LYST: variants seen among roughly 807,000 people sequenced by gnomAD.
LYST encodes the protein lysosomal-trafficking regulator.
In LYST, 192 loss-of-function variants were observed where a neutral mutation model predicts 413.6. That is an observed-to-expected ratio of 0.46 (90% CI 0.41 to 0.52). The LOEUF (loss-of-function observed/expected upper bound fraction) is 0.52, where lower values mean the gene tolerates loss of function less well. Among genes scored for constraint, LYST ranks in the 20% least tolerant of loss-of-function variants. The pLI is 0.00. For synonymous variants in LYST, 1,525 were observed against 1,567.3 expected, an observed-to-expected ratio of 0.97 and a Z score of 0.64; for missense variants, 3,815 against 4,499.9, an observed-to-expected ratio of 0.85 and a Z score of 4.35.
chr1:235,756,055 CTA>C (rs1266652626), intron 24 of LYST, among the ~76,000 whole-genome samples: 16 of 134,696 alleles, frequency 1.2e-4, no homozygotes, highest in African/African-American at 4.4e-4. Flanking sequence ...ATATCTATAT[CTA>C]TATCTGTATC....
In LYST at chr1:235,833,829, C is replaced by T. The variant is rs139738097; in HGVS notation, c.-97-162G>A. The stretch of plus-strand genomic sequence containing the variant: ...AAAAAAATGCCTACTTCAAGAATTC[C>T]TCTTGAGAGGGAATCTTGGAACATA... On this transcript the variant is annotated intron_variant, in intron 1 of 52. Transcript: ENST00000389793. Among the ~76,000 whole-genome samples the T allele has an allele frequency of 3.7e-3, 564 of 152,234 alleles. 4 individuals are homozygous for T. Among genetic ancestry groups the T allele is most frequent in the African/African-American group, 0.013 (540 of 41,546 alleles).
chr1:235,810,490 T>C lies in LYST; in HGVS notation c.328A>G (p.Lys110Glu). Residue 110 changes from lysine to glutamate, a missense_variant, in exon 5 of 53, where the codon AAG becomes GAG. By Grantham distance (56) the Lys-to-Glu change is moderately conservative. Around this residue, in one of 4 missense-constraint regions of LYST, gnomAD observed 1,648 missense variants for 1,810.3 expected, o/e 0.91. Coordinates refer to ENST00000389793, the MANE Select transcript of LYST (RefSeq NM_000081.4). ...GTGGATCTTTGTGAACTTGAGTTCT[T>C]TTCTTTGGTCAGGATTATATCTGCT... ...LSADIILTKEKNSSSQRSTQE... is the reference protein window; with the variant it reads ...LSADIILTKEENSSSQRSTQE... The C allele has an allele frequency of 1.2e-6, 2 of 1,611,960 alleles. No homozygotes were observed. Among genetic ancestry groups the C allele is most frequent in the Non-Finnish European group, 1.7e-6 (2 of 1,179,602 alleles).
chr1:235,863,563 G>A (rs943210359), intron 1 of LYST, among the ~76,000 whole-genome samples: 37 of 150,318 alleles, frequency 2.5e-4, no homozygotes, highest in African/African-American at 8.1e-4. Flanking sequence ...GACCAAAAAG[G>A]TACTCTGAAA....
intron 1 of LYST, among the ~76,000 whole-genome samples, chr1:235,874,592 A>G (rs1463095556): frequency 6.6e-6 from 1 of 152,210 alleles, no homozygotes; most frequent in Admixed American, 6.5e-5. Flanking sequence ...TTAAAATAAG[A>G]GTAATGCAGA....
Position 235,812,505 on chromosome 1 carries a change from T to TAA in LYST, c.283+464_283+465dup, listed in dbSNP as rs374830793. Among the ~76,000 whole-genome samples, 909 of 102,746 alleles carry TAA rather than the reference T, an allele frequency of 8.8e-3. 7 individuals carry two copies. Among genetic ancestry groups the TAA allele is most frequent in the Non-Finnish European group, 0.015 (725 of 48,866 alleles). 67.4% of individuals were successfully genotyped at this position (102,746 alleles called of 152,430 possible). A position where few individuals can be genotyped will look rare whatever the true frequency, so the allele number is the denominator to read the frequency against. ...CTGGGTGACAGAGTGAGACTCTGCC[T>TAA]AAAAAAAAAAAAAAAAAATTATACT... On this transcript the variant is annotated intron_variant, in intron 4 of 52. Transcript: ENST00000389793.
chr1:235,818,637 T>A (rs748861372), intron 3 of LYST, among the ~76,000 whole-genome samples: 36 of 146,746 alleles, frequency 2.5e-4, no homozygotes, highest in East Asian at 1.2e-3. Context: ...CATGGTCTTT[T>A]AAAAAAAAAA....
intron 1 of LYST, among the ~76,000 whole-genome samples, chr1:235,877,698 G>A (rs995120891): frequency 2.0e-5 from 3 of 152,036 alleles, no homozygotes; most frequent in Admixed American, 6.6e-5. Flanking sequence ...GAGCCACCGC[G>A]CCTGGCCGGT....
At chr1:235,881,913 A>T (rs1236155695) in intron 1 of LYST, among the ~76,000 whole-genome samples, 2 of 152,128 alleles carry the variant, frequency 1.3e-5, no homozygotes, top group Non-Finnish European at 2.9e-5. Context: ...TCAGCTGGGG[A>T]AGTTTAAAAT....
chr1:235,742,594 C>A (rs1665531921), intron 30 of LYST, among the ~76,000 whole-genome samples: 1 of 145,986 alleles, frequency 6.8e-6, no homozygotes, highest in Non-Finnish European at 1.5e-5. Flanking sequence ...ATATATCTTA[C>A]CACAGTTTAA....
intron 10 of LYST, among the ~76,000 whole-genome samples, chr1:235,794,968 C>G (rs969206669): frequency 6.6e-6 from 1 of 151,642 alleles, no homozygotes; most frequent in Non-Finnish European, 1.5e-5. Flanking sequence ...GGAAGAAATC[C>G]GTAACAGCAA....
chr1:235,738,703 T>C (rs1665049137), intron 31 of LYST: 17 of 1,599,712 alleles, frequency 1.1e-5, no homozygotes, highest in South Asian at 3.3e-5. Flanking sequence ...AAGCAGGTGG[T>C]TGAGAGTGCT....
chr1:235,736,978 T>C (rs1298209721), intron 31 of LYST: 1 of 151,866 alleles, frequency 6.6e-6, no homozygotes, highest in Non-Finnish European at 1.5e-5. Context: ...TTCACATGAT[T>C]AAAAACAAAA....
At chr1:235,866,023 G>A (rs1020118882) in intron 1 of LYST, among the ~76,000 whole-genome samples, 2 of 152,160 alleles carry the variant, frequency 1.3e-5, no homozygotes, top group African/African-American at 4.8e-5. Flanking sequence ...GATCGGGGAT[G>A]TTTTGCTATG....
chr1:235,689,614 A>T (rs1364149485), intron 47 of LYST, among the ~76,000 whole-genome samples: 1 of 152,196 alleles, frequency 6.6e-6, no homozygotes, highest in Non-Finnish European at 1.5e-5. Flanking sequence ...ACTGTGTTGT[A>T]TTCTTGAAAT....
chr1:235,668,833 G>A (rs976467386), intron 50 of LYST, among the ~76,000 whole-genome samples: 16 of 152,244 alleles, frequency 1.1e-4, no homozygotes, highest in African/African-American at 3.1e-4. Context: ...AATCATTTGC[G>A]CAAACTTGTA....
At chr1:235,794,634 G>C (rs1671367886) in intron 10 of LYST, among the ~76,000 whole-genome samples, 1 of 152,172 alleles carries the variant, frequency 6.6e-6, no homozygotes, top group Non-Finnish European at 1.5e-5. Flanking sequence ...GGTAGTTTTG[G>C]AAGACCTGGA....
chr1:235,739,027 C>T, intron 31 of LYST: 2 of 675,754 alleles, frequency 3.0e-6, no homozygotes, highest in South Asian at 2.8e-5. Context: ...GTCTAGGCTA[C>T]AATAGGATTT....
chr1:235,832,736 T>C (rs1572400444), intron 2 of LYST, among the ~76,000 whole-genome samples: 1 of 152,256 alleles, frequency 6.6e-6, no homozygotes. Flanking sequence ...AAAGCTACAA[T>C]TAACACCCTT....
rs112888913 is a variant in LYST, at chr1:235,791,548, G to C, written c.4543+151C>G. On this transcript the variant is annotated intron_variant, in intron 12 of 52. Coordinates refer to ENST00000389793, the MANE Select transcript of LYST (RefSeq NM_000081.4). ...AAGGCTTTATGACAACTCATGCTTT[G>C]ATAAGTCAGGACCTACCACCACTAA... 25 of 707,972 alleles carry C rather than the reference G, an allele frequency of 3.5e-5. 1 individual carries two copies. Among genetic ancestry groups the C allele is most frequent in the African/African-American group, 1.6e-4 (9 of 56,634 alleles). The allele number at this position is 707,972 out of a possible 1,614,324, so 43.9% of individuals were successfully genotyped here.
Sources: gnomAD v4.1 joint callset for allele counts (sites outside exome capture counted in the v4.1 genomes callset) on GRCh38, gnomAD v4.1.1 for gene constraint, gnomAD v4.1.1 regional missense constraint, MANE v1.5 for transcripts, NCBI Gene and HGNC (gene_info 2026-07-23, HGNC 2026-07-21) for gene names.